BRINP3: variants seen among roughly 807,000 people sequenced by gnomAD.
BRINP3 encodes the protein BMP/retinoic acid inducible neural specific 3, also known as BMP/retinoic acid-inducible neural-specific protein 3.
In BRINP3, 19 loss-of-function variants were observed where a neutral mutation model predicts 71.0. That is an observed-to-expected ratio of 0.27 (90% CI 0.19 to 0.39). The LOEUF (loss-of-function observed/expected upper bound fraction) is 0.39, where lower values mean the gene tolerates loss of function less well. Among genes scored for constraint, BRINP3 ranks in the 10% least tolerant of loss-of-function variants. The probability of loss-of-function intolerance (pLI) is 1.00; values close to 1 mark genes in which losing one functional copy is unlikely to be tolerated. For missense variants in BRINP3, 959 were observed against 940.8 expected (o/e 1.02, Z -0.25); for synonymous variants, 380 against 337.7 (o/e 1.13, Z -1.37).
intron 2 of BRINP3, among the ~76,000 whole-genome samples, chr1:190,421,231 T>C (rs1233341374): frequency 4.6e-5 from 7 of 151,158 alleles, no homozygotes; most frequent in African/African-American, 1.7e-4. Context: ...GCCATTGAAA[T>C]GTTACAATAA....
chr1:190,131,955 C>T (rs997420604), intron 7 of BRINP3, among the ~76,000 whole-genome samples: 1 of 151,956 alleles, frequency 6.6e-6, no homozygotes, highest in East Asian at 1.9e-4. Flanking sequence ...AAAACATATG[C>T]AAAATGTGCA....
chr1:190,449,337 T>C (rs1360465351), intron 2 of BRINP3, among the ~76,000 whole-genome samples: 2 of 152,000 alleles, frequency 1.3e-5, no homozygotes, highest in African/African-American at 2.4e-5. Context: ...TACAATCTAT[T>C]GAAGAGACCA....
intron 6 of BRINP3, among the ~76,000 whole-genome samples, chr1:190,204,528 T>C (rs920827516): frequency 2.6e-5 from 4 of 151,882 alleles, no homozygotes; most frequent in African/African-American, 9.7e-5. Flanking sequence ...AGATATATAT[T>C]GGTAGCAATT....
chr1:190,156,721 A>T (rs1026275969), intron 7 of BRINP3, among the ~76,000 whole-genome samples: 3 of 151,256 alleles, frequency 2.0e-5, no homozygotes, highest in African/African-American at 4.8e-5. Flanking sequence ...ACGCTAAATT[A>T]AAAAAAAGGA....
At chr1:190,187,418 C>CTTTTGTATAGTATA (rs1653628612) in intron 6 of BRINP3, among the ~76,000 whole-genome samples, 1 of 151,866 alleles carries the variant, frequency 6.6e-6, no homozygotes, top group African/African-American at 2.4e-5. Flanking sequence ...GCTTTTGTTG[C>CTTTTGTATAGTATA]CTGTGCTTTT....
intron 2 of BRINP3, among the ~76,000 whole-genome samples, chr1:190,329,988 C>T (rs78280577): frequency 0.13 from 19,740 of 151,608 alleles, 1,663 homozygotes; most frequent in South Asian, 0.26. Flanking sequence ...AAAGCCTCAA[C>T]GTGGATTAAA....
intron 1 of BRINP3, among the ~76,000 whole-genome samples, chr1:190,469,067 T>C (rs962745768): frequency 6.6e-6 from 1 of 151,110 alleles, no homozygotes; most frequent in Non-Finnish European, 1.5e-5. Context: ...CATAATTGTT[T>C]ACCCATAAAT....
chr1:190,206,188 G>C (rs1230805501), intron 6 of BRINP3, among the ~76,000 whole-genome samples: 2 of 151,948 alleles, frequency 1.3e-5, no homozygotes, highest in African/African-American at 2.4e-5. Context: ...AGACTTCATG[G>C]CATATTAGTT....
intron 7 of BRINP3, among the ~76,000 whole-genome samples, chr1:190,152,221 T>C (rs1020883420): frequency 1.2e-4 from 18 of 152,060 alleles, no homozygotes; most frequent in Non-Finnish European, 2.4e-4. Context: ...AATTCATATA[T>C]AGATATAGAA....
chr1:190,144,742 C>T (rs533602183), intron 7 of BRINP3, among the ~76,000 whole-genome samples: 61 of 152,042 alleles, frequency 4.0e-4, no homozygotes, highest in African/African-American at 1.5e-3. Context: ...ATCACTTTTC[C>T]CAATGATCTG....
At position 190,221,265 on chromosome 1, in the gene BRINP3, CAT is replaced by C. The variant is rs1374910041; in HGVS notation, c.961+4815_961+4816del. On this transcript the variant is annotated intron_variant, in intron 6 of 7. Coordinates refer to ENST00000367462, the MANE Select transcript of BRINP3 (RefSeq NM_199051.3). ...GTAAACTGGGGCAACTAAAAGTAAA[CAT>C]GTGGGTGAGTGGAGTTAAAGTGTAA... Among the ~76,000 whole-genome samples, 6 of 152,018 alleles carry C rather than the reference CAT, an allele frequency of 3.9e-5. No individual in the cohort carries two copies. The South Asian group carries it at 8.3e-4, about 21-fold the overall frequency.
chr1:190,235,099 G>C (rs1179118197), intron 4 of BRINP3, among the ~76,000 whole-genome samples: 1 of 151,920 alleles, frequency 6.6e-6, no homozygotes, highest in Non-Finnish European at 1.5e-5. Context: ...TCTCAACTTT[G>C]ACTAATCAGT....
At chr1:190,153,147 T>C (rs969898593) in intron 7 of BRINP3, among the ~76,000 whole-genome samples, 2 of 152,160 alleles carry the variant, frequency 1.3e-5, no homozygotes, top group African/African-American at 2.4e-5. Context: ...GTGGGGTACA[T>C]GCACGATTTT....
At chr1:190,447,299 GTA>G (rs5779531) in intron 2 of BRINP3, among the ~76,000 whole-genome samples, 86,956 of 144,114 alleles carry the variant, frequency 0.6, 26,831 homozygotes, top group Non-Finnish European at 0.68. Flanking sequence ...GTGTAAAATA[GTA>G]TATATATATA....
intron 2 of BRINP3, among the ~76,000 whole-genome samples, chr1:190,334,343 C>T (rs2103089462): frequency 6.6e-6 from 1 of 151,794 alleles, no homozygotes; most frequent in East Asian, 1.9e-4. Flanking sequence ...TTTGGTTTCC[C>T]ATCATAATGT....
intron 2 of BRINP3, chr1:190,362,139 G>T (rs1669188974): frequency 6.6e-6 from 1 of 152,130 alleles, no homozygotes; most frequent in Non-Finnish European, 1.5e-5. Context: ...GACCATGCTG[G>T]TACCCTAATC....
chr1:190,267,441 A>G (rs1455310786), intron 3 of BRINP3, among the ~76,000 whole-genome samples: 2 of 152,128 alleles, frequency 1.3e-5, no homozygotes, highest in Non-Finnish European at 2.9e-5. Flanking sequence ...GGAAAATGTT[A>G]TACATCAGAA....
At chr1:190,152,822 G>T (rs1439314073) in intron 7 of BRINP3, among the ~76,000 whole-genome samples, 1 of 151,942 alleles carries the variant, frequency 6.6e-6, no homozygotes, top group Non-Finnish European at 1.5e-5. Context: ...CCAAATTAGT[G>T]ACTGGCATGG....
intron 2 of BRINP3, among the ~76,000 whole-genome samples, chr1:190,359,673 G>T (rs892213136): frequency 3.3e-5 from 5 of 151,970 alleles, no homozygotes; most frequent in African/African-American, 1.2e-4. Context: ...CATACCTCTT[G>T]CATACTGTCA....
Sources: gnomAD v4.1 joint callset for allele counts (sites outside exome capture counted in the v4.1 genomes callset) on GRCh38, gnomAD v4.1.1 for gene constraint, MANE v1.5 for transcripts, NCBI Gene and HGNC (gene_info 2026-07-23, HGNC 2026-07-21) for gene names.